Variants in PEX5 observed in about 807,000 individuals in gnomAD.
PEX5 encodes PTS1 receptor.
PEX5 carries 52 observed loss-of-function variants against 82.9 expected under a neutral mutation model. That is an observed-to-expected ratio of 0.63 (90% CI 0.50 to 0.79). The LOEUF is 0.79. PEX5 is among the 30% of genes least tolerant of loss of function. The pLI, the probability that PEX5 is intolerant of heterozygous loss-of-function variation, is 0.00. For synonymous variants in PEX5, 300 were observed against 318.8 expected (o/e 0.94, Z 0.63); for missense variants, 719 against 815.2 (o/e 0.88, Z 1.44).
chr12:7,197,277 ATAATG>A (rs1424816529), intron 5 of PEX5, among the ~76,000 whole-genome samples: 1 of 134,592 alleles, frequency 7.4e-6, no homozygotes, highest in African/African-American at 2.8e-5. Flanking sequence ...TATGTCATAT[ATAATG>A]TAATAATTAT....
chr12:7,195,522 G>A (rs115493547), intron 5 of PEX5, among the ~76,000 whole-genome samples: 2,331 of 151,974 alleles, frequency 0.015, 54 homozygotes, highest in African/African-American at 0.054. Flanking sequence ...GTTTTTCTCA[G>A]CTCTGGGATT....
Position 7,209,082 on chromosome 12 carries a change from A to G in PEX5, c.1472A>G (p.Gln491Arg), listed in dbSNP as rs1047045957. ...CCTACCTCCATTGACCCTGATGTGC[A>G]GTGTGGCTTGGGAGTCCTTTTCAAC... Reference protein sequence around the residue: ...LDPTSIDPDVQCGLGVLFNLS... With the variant: ...LDPTSIDPDVRCGLGVLFNLS... Residue 491 changes from glutamine (Q) to arginine (R), a missense_variant, in exon 14 of 16, where the codon CAG becomes CGG. Gln to Arg is a conservative substitution (Grantham distance 43). Transcript: ENST00000675855. 2 of 1,614,078 alleles carry G rather than the reference A, an allele frequency of 1.2e-6. No individual in the cohort carries two copies. Among genetic ancestry groups the G allele is most frequent in the African/African-American group, 1.3e-5 (1 of 75,010 alleles).
chr12:7,193,395 G>C (rs912557338), intron 5 of PEX5, among the ~76,000 whole-genome samples: 1 of 151,930 alleles, frequency 6.6e-6, no homozygotes, highest in African/African-American at 2.4e-5. Flanking sequence ...CACCATGCCC[G>C]GCTAATTTTG....
intron 5 of PEX5, among the ~76,000 whole-genome samples, chr12:7,197,535 G>GTGA (rs1942965957): frequency 8.6e-6 from 1 of 116,548 alleles, no homozygotes; most frequent in Non-Finnish European, 1.8e-5. Context: ...TATATATAAT[G>GTGA]TAATTATATA....
At chr12:7,204,145 T>C (rs916618539) in intron 10 of PEX5, among the ~76,000 whole-genome samples, 95 of 152,324 alleles carry the variant, frequency 6.2e-4, no homozygotes, top group African/African-American at 2.2e-3. Flanking sequence ...TCTGGGGTCT[T>C]ACTGAAAAAC....
intron 7 of PEX5, 161 bp downstream of exon 7, chr12:7,202,002 C>A: frequency 1.3e-6 from 1 of 753,306 alleles, no homozygotes; most frequent in Non-Finnish European, 2.3e-6. Flanking sequence ...CCTCTTCCTT[C>A]TAGTGTTCAT....
Position 7,190,877 on chromosome 12 carries a change from TTCTC to T in PEX5, c.148-7_148-4del. 6.2e-7 allele frequency: 1 copy of T among 1,612,818 alleles called. No individual in the cohort carries two copies. Among genetic ancestry groups the T allele is most frequent in the Non-Finnish European group, 8.5e-7 (1 of 1,178,780 alleles). ...ACTGCGTCATTGTACATCTCTGTCTTTCTCTCTTAGGCCTCCAAGCCTTTGGGAG... is the reference window on the plus strand; with the variant it reads ...ACTGCGTCATTGTACATCTCTGTCTTTCTTAGGCCTCCAAGCCTTTGGGAG... On this transcript the variant is annotated splice_polypyrimidine_tract_variant and splice_region_variant and intron_variant, in intron 2 of 15. Coordinates refer to ENST00000675855, the MANE Select transcript of PEX5 (RefSeq NM_001351132.2).
chr12:7,194,928 T>C (rs960730242), intron 5 of PEX5, among the ~76,000 whole-genome samples: 1 of 152,252 alleles, frequency 6.6e-6, no homozygotes, highest in African/African-American at 2.4e-5. Context: ...CATTTGTTAC[T>C]GTATTCATTG....
At chr12:7,212,488 A>AC (rs1397605802), downstream of PEX5, among the ~76,000 whole-genome samples, 5 of 60,592 alleles carry the variant, frequency 8.3e-5, no homozygotes, top group East Asian at 5.7e-4. Context: ...AAAAAAAAAA[A>AC]CCCAAAAAAC....
intron 5 of PEX5, among the ~76,000 whole-genome samples, chr12:7,195,739 T>C (rs1042961206): frequency 3.3e-5 from 5 of 151,506 alleles, no homozygotes; most frequent in Non-Finnish European, 7.4e-5. Context: ...TAGAAGTGTT[T>C]GGAGAGTTGA....
chr12:7,214,395 A>G (rs1565732378), downstream of PEX5, among the ~76,000 whole-genome samples: 3 of 152,034 alleles, frequency 2.0e-5, no homozygotes, highest in African/African-American at 7.3e-5. Context: ...AGCCGTAAAA[A>G]ATGATGAGTT....
In PEX5 at chr12:7,209,738, A is replaced by G. The variant is rs1276573759; in HGVS notation, c.1616A>G (p.Glu539Gly). 1.3e-6 allele frequency: 2 copies of G among 1,489,106 alleles called. No individual in the cohort carries two copies. Among genetic ancestry groups the G allele is most frequent in the Admixed American group, 2.0e-5 (1 of 50,348 alleles). The allele number at this position is 1,489,106 out of a possible 1,614,324, so 92.2% of individuals were successfully genotyped here. The stretch of plus-strand genomic sequence containing the variant: ...ACCCTGGCCAATGGAAACCAGAGTG[A>G]AGAAGCAGTAGCTGCGTACCGCCGG... The part of the protein sequence containing the change: ...GATLANGNQS[E>G]EAVAAYRRAL... The change falls in exon 15 of 16, where the codon GAA becomes GGA. Residue 539 changes from glutamate to glycine, a missense_variant. Physicochemically the swap from Glu to Gly is moderately conservative, Grantham distance 98. Transcript: ENST00000675855.
At chr12:7,200,388 C>T (rs1342621264) in intron 6 of PEX5, among the ~76,000 whole-genome samples, 130 of 150,652 alleles carry the variant, frequency 8.6e-4, no homozygotes, top group Middle Eastern at 6.9e-3. Context: ...CGGGCAGAGA[C>T]GCTCCTCACT....
chr12:7,189,009 C>G (rs1415762254), upstream of PEX5: 1 of 152,216 alleles, frequency 6.6e-6, no homozygotes, highest in Non-Finnish European at 1.5e-5. Context: ...ACTCACTGTT[C>G]ACCTTCCCTG....
chr12:7,208,021 T>G lies in PEX5; in HGVS notation c.1122T>G (p.Tyr374Ter). The G allele has an allele frequency of 6.2e-7, 1 of 1,613,432 alleles. No homozygotes were observed. Among genetic ancestry groups the G allele is most frequent in the Non-Finnish European group, 8.5e-7 (1 of 1,179,406 alleles). Residue 374 changes from tyrosine to a stop codon, truncating the protein, a stop_gained, in exon 12 of 16, where the codon TAT becomes TAG. Transcript: ENST00000675855. LOFTEE classifies it high-confidence loss of function. ...CAACTTCCCTCTAGGCTTGGCAGTA[T>G]CTGGGTACCACCCAGGCAGAGAATG... Reference protein sequence around the residue: ...QDPKHMEAWQYLGTTQAENEQ... With the variant: ...QDPKHMEAWQ
chr12:7,214,163 G>A (rs1317462117), downstream of PEX5, among the ~76,000 whole-genome samples: 5 of 152,252 alleles, frequency 3.3e-5, no homozygotes, highest in South Asian at 4.1e-4. Context: ...AAGTCAGTGT[G>A]GTGATTCCTC....
At position 7,191,667 on chromosome 12, in the gene PEX5, G is replaced by C. The variant is rs375689941; in HGVS notation, c.415G>C (p.Asp139His). The change falls in exon 5 of 16, where the codon GAC becomes CAC. Residue 139 changes from aspartate to histidine, a missense_variant. Transcript: ENST00000675855. ...TGTAACTCAGGATTATAATGAGACT[G>C]ACTGGTCCCAAGAATTCATCTCTGA... is the stretch of plus-strand genomic sequence containing the variant. ...VDVTQDYNET[D>H]WSQEFISEVT... The C allele has an allele frequency of 9.9e-6, 16 of 1,613,728 alleles. No individual in the cohort carries two copies. The African/African-American group carries it at 1.9e-4, about 19-fold the overall frequency.
chr12:7,202,232 G>A lies in PEX5; in HGVS notation c.643-9G>A. ...TCCCAAGTGGCCTGTGTGTGTCTCT[G>A]TGCCCCAGTTCCTGAAATTCGTGCG... On this transcript the variant is annotated splice_polypyrimidine_tract_variant and intron_variant, in intron 7 of 15. Transcript: ENST00000675855. 1 of 1,614,068 alleles carries A rather than the reference G, an allele frequency of 6.2e-7. No individual in the cohort carries two copies. Among genetic ancestry groups the A allele is most frequent in the Non-Finnish European group, 8.5e-7 (1 of 1,180,032 alleles).
intron 5 of PEX5, among the ~76,000 whole-genome samples, chr12:7,196,443 GTAA>G (rs1478796609): frequency 2.2e-5 from 3 of 137,788 alleles, no homozygotes; most frequent in African/African-American, 5.2e-5. Context: ...CATATATAAT[GTAA>G]TAATTATGTG....
Sources: gnomAD v4.1 joint callset for allele counts (sites outside exome capture counted in the v4.1 genomes callset) on GRCh38, gnomAD v4.1.1 for gene constraint, MANE v1.5 for transcripts, NCBI Gene and HGNC (gene_info 2026-07-23, HGNC 2026-07-21) for gene names.